Variants in CA10 observed in about 807,000 individuals in gnomAD.
CA10 encodes the protein carbonic anhydrase 10 (inactive).
In CA10, 14 loss-of-function variants were observed where a neutral mutation model predicts 44.2. That is an observed-to-expected ratio of 0.32 (90% CI 0.21 to 0.50). The LOEUF (loss-of-function observed/expected upper bound fraction) is 0.50. Ranked by LOEUF, CA10 falls within the 20% of genes least tolerant of loss-of-function variation. The pLI, the probability that CA10 is intolerant of heterozygous loss-of-function variation, is 0.99. For missense variants in CA10, 350 were observed against 409.7 expected (o/e 0.85, Z 1.26); for synonymous variants, 159 against 141.6 (o/e 1.12, Z -0.87).
chr17:51,944,546 A>G (rs924910393), intron 2 of CA10, among the ~76,000 whole-genome samples: 2 of 152,204 alleles, frequency 1.3e-5, no homozygotes, highest in African/African-American at 4.8e-5. Context: ...TAAATGTGCA[A>G]CAATAATAGG....
intron 3 of CA10, among the ~76,000 whole-genome samples, chr17:51,891,369 C>T (rs1428426071): frequency 1.3e-5 from 2 of 152,154 alleles, no homozygotes; most frequent in African/African-American, 4.8e-5. Flanking sequence ...AGAAATAGCA[C>T]CACTCAGGCA....
chr17:52,159,837 G>A (rs1324144328), upstream of CA10: 2 of 152,266 alleles, frequency 1.3e-5, no homozygotes, highest in Non-Finnish European at 2.9e-5. Flanking sequence ...GCCTAAGAGG[G>A]CTGGGAACGA....
chr17:51,731,422 A>G (rs531572733), intron 4 of CA10, among the ~76,000 whole-genome samples: 1 of 152,258 alleles, frequency 6.6e-6, no homozygotes, highest in African/African-American at 2.4e-5. Context: ...AGTAATCTGG[A>G]ACAATATAAA....
intron 3 of CA10, among the ~76,000 whole-genome samples, chr17:51,840,482 CA>C (rs1489741949): frequency 5.3e-5 from 1 of 18,944 alleles, no homozygotes; most frequent in East Asian, 1.6e-3. Context: ...CTTTAATACA[CA>C]CACACACACA....
At chr17:51,887,190 GAA>G (rs11298602) in intron 3 of CA10, among the ~76,000 whole-genome samples, 2 of 145,302 alleles carry the variant, frequency 1.4e-5, no homozygotes, top group African/African-American at 5.0e-5. Flanking sequence ...GGAAAAAAAT[GAA>G]AAAAAAAAAC....
At chr17:51,926,206 C>T (rs1982422147) in intron 3 of CA10, among the ~76,000 whole-genome samples, 1 of 152,064 alleles carries the variant, frequency 6.6e-6, no homozygotes, top group South Asian at 2.1e-4. Context: ...GGAACTTAGA[C>T]CCCACAGCAT....
At chr17:51,830,288 G>C (rs1050467283) in intron 3 of CA10, among the ~76,000 whole-genome samples, 6 of 151,912 alleles carry the variant, frequency 3.9e-5, no homozygotes, top group Non-Finnish European at 7.4e-5. Flanking sequence ...AGTGCACTGG[G>C]ATCCCAGAAA....
chr17:51,826,961 C>G (rs1218177597), intron 3 of CA10, among the ~76,000 whole-genome samples: 1 of 152,172 alleles, frequency 6.6e-6, no homozygotes, highest in East Asian at 1.9e-4. Context: ...CAAACAGTCC[C>G]TCTACCAAAC....
At chr17:51,733,078 C>G (rs1916777285) in intron 4 of CA10, among the ~76,000 whole-genome samples, 1 of 152,142 alleles carries the variant, frequency 6.6e-6, no homozygotes, top group Non-Finnish European at 1.5e-5. Flanking sequence ...TACTTGCCCC[C>G]CAAAGCACTT....
intron 3 of CA10, among the ~76,000 whole-genome samples, chr17:51,752,842 C>A (rs1402185676): frequency 6.6e-6 from 1 of 152,124 alleles, no homozygotes; most frequent in East Asian, 1.9e-4. Flanking sequence ...ATCACTTGAA[C>A]CCAGGAGGCA....
chr17:51,659,545 T>C (rs2106330), intron 4 of CA10, among the ~76,000 whole-genome samples: 152 of 152,324 alleles, frequency 1.0e-3, no homozygotes, highest in African/African-American at 3.6e-3. Flanking sequence ...CAAAATGGGA[T>C]GGGTACCGGG....
intron 2 of CA10, among the ~76,000 whole-genome samples, chr17:51,934,863 C>T (rs958158192): frequency 2.6e-5 from 4 of 152,116 alleles, no homozygotes; most frequent in African/African-American, 4.8e-5. Context: ...ACTCAAGTGC[C>T]GAATGGACCA....
At chr17:52,087,026 C>T (rs1470876460) in intron 1 of CA10, among the ~76,000 whole-genome samples, 2 of 152,154 alleles carry the variant, frequency 1.3e-5, no homozygotes, top group Non-Finnish European at 2.9e-5. Context: ...TATCTCTTTC[C>T]CCTGCTTTCT....
chr17:51,810,389 G>T (rs1247209810), intron 3 of CA10, among the ~76,000 whole-genome samples: 1 of 152,162 alleles, frequency 6.6e-6, no homozygotes, highest in East Asian at 1.9e-4. Flanking sequence ...CAGGAATGGG[G>T]CATGGATGTC....
intron 1 of CA10, among the ~76,000 whole-genome samples, chr17:52,103,814 C>T (rs752762808): frequency 6.6e-6 from 1 of 152,196 alleles, no homozygotes; most frequent in Non-Finnish European, 1.5e-5. Flanking sequence ...AAGAGGCAGT[C>T]CCCCCAGCAC....
In CA10 at chr17:52,036,754, A is replaced by G. The variant is rs1222581250; in HGVS notation, c.136+35565T>C. The stretch of plus-strand genomic sequence containing the variant: ...CACCTAGGGTTGATGTGTGAATTAC[A>G]TAAGATAATGAATGTATAGTGTTTT... On this transcript the variant is annotated intron_variant, in intron 2 of 8. Coordinates refer to ENST00000451037, the MANE Select transcript of CA10 (RefSeq NM_020178.5). Among the ~76,000 whole-genome samples, 4 of 152,354 alleles carry G rather than the reference A, an allele frequency of 2.6e-5. No homozygotes were observed. The East Asian group carries it at 7.7e-4, about 29-fold the overall frequency.
chr17:51,833,332 C>A (rs543030857), intron 3 of CA10, among the ~76,000 whole-genome samples: 111 of 152,310 alleles, frequency 7.3e-4, no homozygotes, highest in Non-Finnish European at 1.4e-3. Flanking sequence ...TTCCCTCCAA[C>A]ATGACACAGA....
chr17:51,877,594 A>G (rs963479771), intron 3 of CA10, among the ~76,000 whole-genome samples: 1 of 152,194 alleles, frequency 6.6e-6, no homozygotes, highest in African/African-American at 2.4e-5. Flanking sequence ...AAATTCAAAG[A>G]TATGAAGTTA....
At chr17:51,997,663 C>T (rs1178861448) in intron 2 of CA10, among the ~76,000 whole-genome samples, 3 of 151,952 alleles carry the variant, frequency 2.0e-5, no homozygotes, top group African/African-American at 7.2e-5. Flanking sequence ...TTAAGCTGTC[C>T]AAGATTCTTT....
Sources: gnomAD v4.1 joint callset for allele counts (sites outside exome capture counted in the v4.1 genomes callset) on GRCh38, gnomAD v4.1.1 for gene constraint, MANE v1.5 for transcripts, NCBI Gene and HGNC (gene_info 2026-07-23, HGNC 2026-07-21) for gene names.